The following COPG2 variants were observed in gnomAD, a reference collection of about 807,000 sequenced individuals.
COPG2 encodes the protein coatomer subunit gamma-2.
Under a neutral mutation model 46.3 loss-of-function variants are expected in COPG2, and 37 were observed. The observed-to-expected ratio is 0.80, with a 90% CI of 0.61 to 1.05. COPG2 has a LOEUF of 1.05. COPG2 is among the 50% of genes least tolerant of loss of function. The probability of loss-of-function intolerance (pLI) is 0.00; values close to 1 mark genes in which losing one functional copy is unlikely to be tolerated. For synonymous variants in COPG2, 159 were observed against 129.7 expected, an observed-to-expected ratio of 1.23 and a Z score of -1.53; for missense variants, 427 against 387.8, an observed-to-expected ratio of 1.10 and a Z score of -0.85.
intron 5 of COPG2, among the ~76,000 whole-genome samples, chr7:130,618,353 G>A (rs1554453199): frequency 6.6e-6 from 1 of 151,908 alleles, no homozygotes; most frequent in African/African-American, 2.4e-5. Context: ...TGAACTCATA[G>A]GTTTTCATCA....
At chr7:130,619,726 A>G (rs1473751865) in intron 5 of COPG2, among the ~76,000 whole-genome samples, 2 of 152,224 alleles carry the variant, frequency 1.3e-5, no homozygotes, top group Admixed American at 1.3e-4. Context: ...TTTTTCAAGA[A>G]AAGCTCACAG....
intron 5 of COPG2, among the ~76,000 whole-genome samples, chr7:130,650,700 T>C (rs1554458964): frequency 6.6e-6 from 1 of 152,164 alleles, no homozygotes; most frequent in Non-Finnish European, 1.5e-5. Flanking sequence ...TATAACACAG[T>C]TGTGCCAAGT....
In COPG2 at chr7:130,554,499, T is replaced by G; in HGVS notation, c.1450A>C (p.Asn484His). Residue 484 changes from asparagine to histidine, a missense_variant, in exon 14 of 24, where the codon AAT (asparagine) becomes CAT (histidine). By Grantham distance (68) the Asn-to-His change is moderately conservative. Coordinates refer to ENST00000425248, the MANE Select transcript of COPG2 (RefSeq NM_012133.6). ...GACTCACCAGCTCTGACAGCCTCATTCTCCAGGACAACCCTATTAAAAATA... is the reference window on the plus strand; with the variant it reads ...GACTCACCAGCTCTGACAGCCTCATGCTCCAGGACAACCCTATTAAAAATA... Reference protein sequence around the residue: ...RFIFNRVVLENEAVRAAAVSA... With the variant: ...RFIFNRVVLEHEAVRAAAVSA... The G allele has an allele frequency of 2.5e-6, 1 of 398,582 alleles. No homozygotes were observed. Among genetic ancestry groups the G allele is most frequent in the Admixed American group, 4.4e-5 (1 of 22,728 alleles). The allele number at this position is 398,582 out of a possible 1,614,324, so 24.7% of individuals were successfully genotyped here.
intron 9 of COPG2, among the ~76,000 whole-genome samples, chr7:130,589,482 G>T (rs1794355094): frequency 6.6e-6 from 1 of 151,910 alleles, no homozygotes; most frequent in African/African-American, 2.4e-5. Flanking sequence ...ACAGGGTCTT[G>T]CTATGTTGGC....
chr7:130,647,927 T>C (rs1795650027), intron 5 of COPG2, among the ~76,000 whole-genome samples: 1 of 152,032 alleles, frequency 6.6e-6, no homozygotes, highest in Non-Finnish European at 1.5e-5. Context: ...AGACAGGGTT[T>C]CACCGTGTTA....
chr7:130,605,466 G>A, intron 9 of COPG2, among the ~76,000 whole-genome samples: 1 of 152,334 alleles, frequency 6.6e-6, no homozygotes, highest in East Asian at 1.9e-4. Context: ...GCTGAAAGAG[G>A]AGGCAGAAGA....
intron 20 of COPG2, among the ~76,000 whole-genome samples, chr7:130,543,299 G>C (rs1487449787): frequency 6.6e-6 from 1 of 152,220 alleles, no homozygotes; most frequent in Non-Finnish European, 1.5e-5. Context: ...AAACCACTTT[G>C]GGATTTAGGA....
chr7:130,595,806 C>G (rs1006129698), intron 9 of COPG2, among the ~76,000 whole-genome samples: 47 of 152,232 alleles, frequency 3.1e-4, no homozygotes, highest in African/African-American at 1.0e-3. Context: ...TTTGGGGACC[C>G]CCCCCCTCCA....
intron 6 of COPG2, among the ~76,000 whole-genome samples, chr7:130,615,786 T>G (rs1427639673): frequency 1.3e-5 from 2 of 152,218 alleles, no homozygotes; most frequent in African/African-American, 4.8e-5. Flanking sequence ...AGAATGACAC[T>G]GGGTGACCTT....
chr7:130,528,036 GGAA>G (rs1215943881), intron 20 of COPG2, among the ~76,000 whole-genome samples: 18 of 152,158 alleles, frequency 1.2e-4, no homozygotes, highest in Non-Finnish European at 2.9e-5. Context: ...GAGACAGCGT[GGAA>G]GAAGAGCGTC....
At chr7:130,547,634 A>T in intron 20 of COPG2, 40 bp downstream of exon 20, 1 of 398,620 alleles carries the variant, frequency 2.5e-6, no homozygotes. Flanking sequence ...AAGGAAATGC[A>T]TTCTGAATCA....
At chr7:130,509,737 TA>T (rs782132321) in intron 20 of COPG2, 147 of 515,854 alleles carry the variant, frequency 2.8e-4, no homozygotes, top group South Asian at 2.0e-3. Flanking sequence ...AGGAGTTAAA[TA>T]AGTGTGTGGG....
chr7:130,535,877 C>T (rs1799875273), intron 20 of COPG2, among the ~76,000 whole-genome samples: 1 of 152,010 alleles, frequency 6.6e-6, no homozygotes, highest in Non-Finnish European at 1.5e-5. Flanking sequence ...GAAGAAAAAA[C>T]AGAGTAGCTC....
At chr7:130,647,063 T>C (rs1345003462) in intron 5 of COPG2, among the ~76,000 whole-genome samples, 1 of 150,104 alleles carries the variant, frequency 6.7e-6, no homozygotes, top group African/African-American at 2.5e-5. Context: ...ATTTTTAAGA[T>C]GGAATCTCGC....
chr7:130,557,382 G>C (rs1793643912), intron 12 of COPG2, among the ~76,000 whole-genome samples: 1 of 152,136 alleles, frequency 6.6e-6, no homozygotes, highest in Non-Finnish European at 1.5e-5. Flanking sequence ...AGACATCCTT[G>C]TTCTTAGGAT....
At chr7:130,615,210 T>C (rs1222094374) in intron 6 of COPG2, among the ~76,000 whole-genome samples, 2 of 152,262 alleles carry the variant, frequency 1.3e-5, no homozygotes, top group Non-Finnish European at 2.9e-5. Flanking sequence ...TAGGAAGTTA[T>C]GTACATAACA....
At chr7:130,511,995 AC>A in intron 20 of COPG2, 1 of 437,464 alleles carries the variant, frequency 2.3e-6, no homozygotes, top group Non-Finnish European at 4.6e-6. Context: ...CAGGTGGATC[AC>A]CTGAGGTTGG....
At chr7:130,510,637 T>TTA (rs1187838944) in intron 20 of COPG2, among the ~76,000 whole-genome samples, 1 of 152,098 alleles carries the variant, frequency 6.6e-6, no homozygotes, top group African/African-American at 2.4e-5. Flanking sequence ...CAGAAGACAC[T>TTA]TACATATAAG....
intron 5 of COPG2, among the ~76,000 whole-genome samples, chr7:130,646,838 TG>T (rs1384164129): frequency 2.0e-5 from 3 of 151,816 alleles, no homozygotes; most frequent in African/African-American, 7.2e-5. Flanking sequence ...GTAAGTTTCC[TG>T]AGGCCTCCCC....
Sources: gnomAD v4.1 joint callset for allele counts (sites outside exome capture counted in the v4.1 genomes callset) on GRCh38, gnomAD v4.1.1 for gene constraint, MANE v1.5 for transcripts, NCBI Gene and HGNC (gene_info 2026-07-23, HGNC 2026-07-21) for gene names.